The following GEMIN5 variants were observed in gnomAD, a reference collection of about 807,000 sequenced individuals.
GEMIN5 encodes gem-associated protein 5.
GEMIN5 carries 124 observed loss-of-function variants against 176.9 expected under a neutral mutation model. The observed-to-expected ratio is 0.70, with a 90% CI of 0.61 to 0.81. GEMIN5 has a LOEUF of 0.81. GEMIN5 is among the 40% of genes least tolerant of loss of function. GEMIN5 has a pLI of 0.00. For synonymous variants in GEMIN5, 673 were observed against 665.2 expected, an observed-to-expected ratio of 1.01 and a Z score of -0.18; for missense variants, 1,843 against 1,814.6, an observed-to-expected ratio of 1.02 and a Z score of -0.28.
At chr5:154,916,281 G>A (rs1440661150) in intron 13 of GEMIN5, among the ~76,000 whole-genome samples, 1 of 151,976 alleles carries the variant, frequency 6.6e-6, no homozygotes, top group African/African-American at 2.4e-5. Context: ...GAAAAAAACT[G>A]CAAGCACTAT....
At chr5:154,906,461 T>C (rs1414521438) in intron 16 of GEMIN5, among the ~76,000 whole-genome samples, 1 of 152,212 alleles carries the variant, frequency 6.6e-6, no homozygotes, top group Non-Finnish European at 1.5e-5. Flanking sequence ...ACTTTAATAA[T>C]AGAGAATACT....
chr5:154,893,322 T>C (rs1185753489), intron 24 of GEMIN5, among the ~76,000 whole-genome samples: 1 of 146,474 alleles, frequency 6.8e-6, no homozygotes, highest in African/African-American at 2.5e-5. Flanking sequence ...CCCAGCTACT[T>C]GGGAGGCTGA....
intron 17 of GEMIN5, 73 bp downstream of exon 17, chr5:154,905,290 C>A: frequency 1.6e-6 from 1 of 639,976 alleles, no homozygotes; most frequent in Non-Finnish European, 2.7e-6. Flanking sequence ...TGTTTTTTGA[C>A]AGTTGCGTGT....
In GEMIN5 at chr5:154,935,879, A is replaced by C. The variant is rs987386490; in HGVS notation, c.471T>G (p.Leu157=). The C allele has an allele frequency of 1.9e-6, 3 of 1,613,742 alleles. No individual in the cohort carries two copies. In the African/African-American group the frequency reaches 4.0e-5, roughly 22 times the overall value. ...AATCTTCATGATGAGGTGAACAAGT[A>C]AGACAGAAAATTGTCCTGGGTTCTA... ...LFIEPRTIFC[L]TCSPHHEDLV... Residue 157 remains leucine (L), a synonymous_variant, in exon 3 of 28, where the codon CTT becomes CTG. Coordinates refer to ENST00000285873, the MANE Select transcript of GEMIN5 (RefSeq NM_015465.5).
intron 2 of GEMIN5, 65 bp from the exon 3 acceptor site, chr5:154,936,087 T>C: frequency 9.8e-7 from 1 of 1,023,568 alleles, no homozygotes; most frequent in South Asian, 1.6e-5. Context: ...TTAACTTGTA[T>C]CACAAACCAG....
chr5:154,917,094 G>T lies in GEMIN5; in HGVS notation c.1759C>A (p.His587Asn), dbSNP rs753750332. The T allele has an allele frequency of 9.3e-6, 15 of 1,608,512 alleles. No individual in the cohort carries two copies. The highest frequency in any genetic ancestry group is 1.3e-5 in the Non-Finnish European group (15 of 1,175,848). The change falls in exon 13 of 28, where the codon CAT becomes AAT. Residue 587 changes from histidine (H) to asparagine (N), a missense_variant. Coordinates refer to ENST00000285873, the MANE Select transcript of GEMIN5 (RefSeq NM_015465.5). ...TCTGGCTGGCTGCCATGCTCATGATGCCAGCTAATGGTATTCACAAGCTTG... is the reference window on the plus strand; with the variant it reads ...TCTGGCTGGCTGCCATGCTCATGATTCCAGCTAATGGTATTCACAAGCTTG... ...HHKLVNTISW[H>N]HEHGSQPELS... is the part of the protein sequence containing the mutation.
At chr5:154,912,149 C>G (rs1763715935) in intron 14 of GEMIN5, among the ~76,000 whole-genome samples, 1 of 152,080 alleles carries the variant, frequency 6.6e-6, no homozygotes, top group Admixed American at 6.6e-5. Flanking sequence ...TACTGGTGTC[C>G]CATGGATTTC....
intron 15 of GEMIN5, among the ~76,000 whole-genome samples, chr5:154,909,265 G>C (rs1020108710): frequency 2.7e-5 from 4 of 149,822 alleles, no homozygotes; most frequent in Non-Finnish European, 4.4e-5. Flanking sequence ...ACTGTGCCTG[G>C]CCCACAAGGT....
chr5:154,887,952 G>T lies in GEMIN5; in HGVS notation c.*258C>A, dbSNP rs1202762794. 2.3e-6 allele frequency: 1 copy of T among 437,208 alleles called. No individual in the cohort carries two copies. Among genetic ancestry groups the T allele is most frequent in the Non-Finnish European group, 4.2e-6 (1 of 240,174 alleles). The allele number at this position is 437,208 out of a possible 1,614,324, so 27.1% of individuals were successfully genotyped here. Reference sequence around the variant, plus strand: ...AGGCTGTAGAGATGACCAACACTCTGCAGGTGTTAGTTCTGAATAACTACT... The same window carrying T: ...AGGCTGTAGAGATGACCAACACTCTTCAGGTGTTAGTTCTGAATAACTACT... On this transcript the variant is annotated 3_prime_UTR_variant, in exon 28 of 28. Transcript: ENST00000285873.
intron 5 of GEMIN5, 65 bp from the exon 6 acceptor site, chr5:154,928,724 G>A: frequency 2.8e-6 from 4 of 1,430,368 alleles, no homozygotes; most frequent in Non-Finnish European, 3.9e-6. Flanking sequence ...GAAGTCACCG[G>A]TGGTTCATAA....
rs529777236 is a variant in GEMIN5, at chr5:154,901,477, T to C, written c.2876A>G (p.His959Arg). ...AGCTTCCACAGCCCATAGCCACACA[T>C]GGTAGCCAGCTGAAAAAATAAAAGA... Reference protein sequence around the residue: ...LVAMAPAAGYHVWLWAVEAFA... With the variant: ...LVAMAPAAGYRVWLWAVEAFA... Residue 959 changes from histidine (H) to arginine (R), a missense_variant, in exon 21 of 28, where the codon CAT (histidine) becomes CGT (arginine). His to Arg is a conservative substitution (Grantham distance 29). Transcript: ENST00000285873. 1.5e-5 allele frequency: 24 copies of C among 1,613,580 alleles called. No individual in the cohort carries two copies. Among genetic ancestry groups the C allele is most frequent in the Non-Finnish European group, 2.0e-5 (24 of 1,179,854 alleles).
intron 16 of GEMIN5, among the ~76,000 whole-genome samples, chr5:154,907,331 G>A (rs928945058): frequency 1.3e-5 from 2 of 152,052 alleles, no homozygotes; most frequent in African/African-American, 4.8e-5. Flanking sequence ...TTCGTCCCAC[G>A]GTTTTACCTT....
chr5:154,931,412 C>T (rs981041909), intron 5 of GEMIN5, 46 bp downstream of exon 5: 2 of 1,558,446 alleles, frequency 1.3e-6, no homozygotes, highest in African/African-American at 2.7e-5. Flanking sequence ...CCTCTACTTC[C>T]ACCAGATCAA....
At position 154,931,567 on chromosome 5, in the gene GEMIN5, T is replaced by G; in HGVS notation, c.672A>C (p.Glu224Asp). The G allele has an allele frequency of 6.2e-7, 1 of 1,600,148 alleles. No homozygotes were observed. The highest frequency in any genetic ancestry group is 8.5e-7 in the Non-Finnish European group (1 of 1,170,152). ...GTGCTACAGCATTCCCGTTGGTAAT[T>G]TCAGCTTCTTCTATGAGATAGGTGG... ...INQEETSEEA[E>D]ITNGNAVAQA... Residue 224 changes from glutamate to aspartate, a missense_variant, in exon 5 of 28, where the codon GAA becomes GAC. By Grantham distance (45) the Glu-to-Asp change is conservative (BLOSUM62 2). Transcript: ENST00000285873.
chr5:154,909,877 G>A (rs1394814274), intron 15 of GEMIN5, among the ~76,000 whole-genome samples: 6 of 152,010 alleles, frequency 3.9e-5, no homozygotes, highest in Non-Finnish European at 7.4e-5. Context: ...TACTCAAAAG[G>A]CTGAGGCAGG....
rs1376622550 is a variant in GEMIN5 at position 154,907,795 on chromosome 5, T to C, written c.2191A>G (p.Lys731Glu). The C allele has an allele frequency of 6.2e-7, 1 of 1,613,544 alleles. No individual in the cohort carries two copies. ...GCCTTAGGTTGAGAGAGCCGTTTTTTCTCCAATTCAATACTTTTTTTGCCT... is the reference window on the plus strand; with the variant it reads ...GCCTTAGGTTGAGAGAGCCGTTTTTCCTCCAATTCAATACTTTTTTTGCCT... ...PQGKKSIELE[K>E]KRLSQPKAKP... The change falls in exon 16 of 28, where the codon AAA becomes GAA. Residue 731 changes from lysine to glutamate, a missense_variant. Lys to Glu is a moderately conservative substitution (Grantham distance 56). Coordinates refer to ENST00000285873, the MANE Select transcript of GEMIN5 (RefSeq NM_015465.5).
intron 9 of GEMIN5, among the ~76,000 whole-genome samples, chr5:154,923,108 G>A (rs774669612): frequency 1.5e-4 from 23 of 151,772 alleles, no homozygotes; most frequent in African/African-American, 5.1e-4. Context: ...GGCCGGGCAC[G>A]GTAGCTAACA....
rs1561712962 is a variant in GEMIN5 at position 154,901,445 on chromosome 5, TG to T, written c.2907del (p.Lys970AsnfsTer53). The T allele has an allele frequency of 2.1e-5, 34 of 1,613,886 alleles. No homozygotes were observed. The highest frequency in any genetic ancestry group is 2.6e-5 in the Non-Finnish European group (31 of 1,179,806). On this transcript the variant is annotated frameshift_variant, in exon 21 of 28. Transcript: ENST00000285873. LOFTEE classifies it high-confidence loss of function. The stretch of plus-strand genomic sequence containing the variant: ...TACTGATCCTGAAAACACAGCTGTT[TG>T]GCAAAAGCTTCCACAGCCCATAGCC... Reference protein sequence around the residue: ...HVWLWAVEAFAKQLCFQDQYV... With the variant: ...HVWLWAVEAFXKQLCFQDQYV...
In GEMIN5 at chr5:154,898,590, C is replaced by T. The variant is rs377586156; in HGVS notation, c.3195G>A (p.Ala1065=). Residue 1065 remains alanine, a synonymous_variant, in exon 23 of 28, where the codon GCG becomes GCA. Transcript: ENST00000285873. ...AAKVLAKKGD[A]ASLRTAAELA... ...ACTCTGCAGCCGTTCTAAGTGATGC[C>T]GCATCCCCCTTTTTGGCCAAAACTT... 1.5e-4 allele frequency: 249 copies of T among 1,614,132 alleles called. 2 individuals carry two copies. Among genetic ancestry groups the T allele is most frequent in the East Asian group, 1.5e-3 (69 of 44,884 alleles).
Sources: gnomAD v4.1 joint callset for allele counts (sites outside exome capture counted in the v4.1 genomes callset) on GRCh38, gnomAD v4.1.1 for gene constraint, MANE v1.5 for transcripts, NCBI Gene and HGNC (gene_info 2026-07-23, HGNC 2026-07-21) for gene names.